Variants in SIGLEC9 observed in about 807,000 individuals in gnomAD.
The protein encoded by SIGLEC9 is sialic acid binding Ig like lectin 9, also known as sialic acid-binding Ig-like lectin 9.
A neutral mutation model predicts 38.3 loss-of-function variants in SIGLEC9; 26 were observed. The observed-to-expected ratio is 0.68, with a 90% CI of 0.50 to 0.94. The LOEUF (loss-of-function observed/expected upper bound fraction) is 0.94. Ranked by LOEUF, SIGLEC9 falls within the 40% of genes least tolerant of loss-of-function variation. The probability of loss-of-function intolerance (pLI) is 0.00; values close to 1 mark genes in which losing one functional copy is unlikely to be tolerated. For missense variants in SIGLEC9, 556 were observed against 585.7 expected (o/e 0.95, Z 0.52); for synonymous variants, 236 against 248.0 (o/e 0.95, Z 0.45).
intron 3 of SIGLEC9, among the ~76,000 whole-genome samples, chr19:51,126,573 A>T (rs1376292321): frequency 6.6e-6 from 1 of 152,122 alleles, no homozygotes; most frequent in African/African-American, 2.4e-5. Flanking sequence ...GGCTGCCCTG[A>T]GTCTCGGTTT....
At position 51,130,047 on chromosome 19, in the gene SIGLEC9, A is replaced by G; in HGVS notation, c.1360A>G (p.Thr454Ala). 1 of 1,613,494 alleles carries G rather than the reference A, an allele frequency of 6.2e-7. No individual in the cohort carries two copies. Among genetic ancestry groups the G allele is most frequent in the Non-Finnish European group, 8.5e-7 (1 of 1,179,704 alleles). Reference protein sequence around the residue: ...WDSRGQEATDTEYSEIKIHR With the variant: ...WDSRGQEATDAEYSEIKIHR ...CTCGCGGGGACAGGAGGCCACTGAC[A>G]CCGAGTACTCGGAGATCAAGATCCA... Residue 454 changes from threonine to alanine, a missense_variant, in exon 7 of 7, where the codon ACC (threonine) becomes GCC (alanine). By Grantham distance (58) the Thr-to-Ala change is moderately conservative. Coordinates refer to ENST00000250360, the MANE Select transcript of SIGLEC9 (RefSeq NM_014441.3).
chr19:51,129,555 G>A (rs927061616), intron 6 of SIGLEC9, among the ~76,000 whole-genome samples: 8 of 151,028 alleles, frequency 5.3e-5, no homozygotes, highest in Admixed American at 3.3e-4. Flanking sequence ...TCGTTTGTTT[G>A]TTTTTGTTTT....
At chr19:51,136,140 T>G (rs1474471566) in exon 7 of SIGLEC9, 1 of 703,836 alleles carries the variant, frequency 1.4e-6, no homozygotes, top group South Asian at 1.5e-5. Flanking sequence ...GGTAAAATAC[T>G]CTGGCTTTTG....
In SIGLEC9 at chr19:51,124,971, A is replaced by G. The variant is rs2091965902; in HGVS notation, c.-4A>G. Reference sequence around the variant, plus strand: ...TCGCGGCCCTGGCACCTCTAACCCCAGACATGCTGCTGCTGCTGCTGCCCC... The same window carrying G: ...TCGCGGCCCTGGCACCTCTAACCCCGGACATGCTGCTGCTGCTGCTGCCCC... On this transcript the variant is annotated 5_prime_UTR_variant, in exon 1 of 7. Coordinates refer to ENST00000250360, the MANE Select transcript of SIGLEC9 (RefSeq NM_014441.3). 1 of 1,599,148 alleles carries G rather than the reference A, an allele frequency of 6.3e-7. No homozygotes were observed. The highest frequency in any genetic ancestry group is 1.7e-5 in the Admixed American group (1 of 59,396).
At position 51,128,447 on chromosome 19, in the gene SIGLEC9, A is replaced by T; in HGVS notation, c.1140A>T (p.Pro380=). ...CCTGCAGGAAGAAATCGGCAAGGCCAGCAGCGGGCGTGGGAGATACGGGCA... is the reference window on the plus strand; with the variant it reads ...CCTGCAGGAAGAAATCGGCAAGGCCTGCAGCGGGCGTGGGAGATACGGGCA... The part of the protein sequence containing the change: ...VRSCRKKSAR[P]AAGVGDTGIE... The change falls in exon 6 of 7, where the codon CCA becomes CCT. Residue 380 remains proline, a synonymous_variant. Coordinates refer to ENST00000250360, the MANE Select transcript of SIGLEC9 (RefSeq NM_014441.3). 23 of 1,614,146 alleles carry T rather than the reference A, an allele frequency of 1.4e-5. No individual in the cohort carries two copies. The highest frequency in any genetic ancestry group is 1.9e-5 in the Non-Finnish European group (23 of 1,180,004).
upstream of SIGLEC9, chr19:51,124,848 G>A: frequency 7.2e-6 from 9 of 1,244,424 alleles, no homozygotes; most frequent in South Asian, 1.5e-5. Flanking sequence ...CTCTGAGGAG[G>A]TCACTGTTCC....
chr19:51,128,393 C>A, intron 5 of SIGLEC9, 21 bp from the exon 6 acceptor site: 1 of 1,612,212 alleles, frequency 6.2e-7, no homozygotes, highest in South Asian at 1.1e-5. Flanking sequence ...CACTGAAAGG[C>A]TCTCTGGTCT....
chr19:51,125,681 C>G lies in SIGLEC9; in HGVS notation c.506C>G (p.Ala169Gly), dbSNP rs1473895342. 6.2e-7 allele frequency: 1 copy of G among 1,613,852 alleles called. No homozygotes were observed. Among genetic ancestry groups the G allele is most frequent in the Non-Finnish European group, 8.5e-7 (1 of 1,179,992 alleles). Residue 169 changes from alanine (A) to glycine (G), a missense_variant, in exon 2 of 7, where the codon GCC (alanine) becomes GGC (glycine). Transcript: ENST00000250360. ...AATCTGACCTGCTCTGTGCCCTGGG[C>G]CTGTGAGCAGGGGACACCCCCTATG... ...PQNLTCSVPW[A>G]CEQGTPPMIS...
In SIGLEC9 at chr19:51,127,187, G is replaced by A. The variant is rs201669917; in HGVS notation, c.906G>A (p.Pro302=). 1.8e-5 allele frequency: 29 copies of A among 1,614,106 alleles called. No homozygotes were observed. The highest frequency in any genetic ancestry group is 7.7e-5 in the South Asian group (7 of 91,094). Residue 302 remains proline, a synonymous_variant, in exon 4 of 7, where the codon CCG becomes CCA. Transcript: ENST00000250360. The part of the protein sequence containing the change: ...LTLCPSQPSN[P]GVLELPWVHL... ...TGTGCCCCTCACAGCCCTCAAACCC[G>A]GGGGTGCTGGAGCTGCCTTGGGTGC...
chr19:51,126,183 G>A (rs1042066796), intron 3 of SIGLEC9, 55 bp downstream of exon 3: 1 of 1,536,560 alleles, frequency 6.5e-7, no homozygotes, highest in Non-Finnish European at 9.0e-7. Context: ...AGGTCAGGAT[G>A]GGGCTGGCTT....
At chr19:51,136,065 T>A in exon 7 of SIGLEC9, 1 of 703,882 alleles carries the variant, frequency 1.4e-6, no homozygotes, top group Non-Finnish European at 2.6e-6. Context: ...GAATTCTATG[T>A]CTATCATTTC....
chr19:51,129,120 C>A (rs2091998089), intron 6 of SIGLEC9, among the ~76,000 whole-genome samples: 2 of 151,462 alleles, frequency 1.3e-5, no homozygotes, highest in Admixed American at 1.3e-4. Flanking sequence ...CTATAGCCTG[C>A]AGCAGTGCAC....
chr19:51,124,615 G>A (rs941862305), upstream of SIGLEC9, among the ~76,000 whole-genome samples: 3 of 152,158 alleles, frequency 2.0e-5, no homozygotes, highest in Non-Finnish European at 4.4e-5. Context: ...TGACTCAGGG[G>A]TCTGGCCAGA....
chr19:51,130,093 C>T lies in SIGLEC9; in HGVS notation c.*14C>T. 6.3e-7 allele frequency: 1 copy of T among 1,595,542 alleles called. No homozygotes were observed. ...ATCCACAGATGAGAAACTGCAGAGA[C>T]TCACCCTGATTGAGGGATCACAGCC... On this transcript the variant is annotated 3_prime_UTR_variant, in exon 7 of 7. Coordinates refer to ENST00000250360, the MANE Select transcript of SIGLEC9 (RefSeq NM_014441.3).
downstream of SIGLEC9, among the ~76,000 whole-genome samples, chr19:51,134,656 T>C (rs2092033589): frequency 2.0e-5 from 3 of 152,240 alleles, no homozygotes; most frequent in Non-Finnish European, 4.4e-5. Context: ...TCTATCAATC[T>C]TATTTGTTCT....
At chr19:51,131,090 G>T (rs1022265863), downstream of SIGLEC9, among the ~76,000 whole-genome samples, 1 of 152,096 alleles carries the variant, frequency 6.6e-6, no homozygotes, top group Non-Finnish European at 1.5e-5. Flanking sequence ...GGATCATCTG[G>T]CAAATTAAAC....
exon 7 of SIGLEC9, chr19:51,136,186 C>T (rs1457389916): frequency 1.4e-6 from 1 of 703,370 alleles, no homozygotes; most frequent in African/African-American, 1.7e-5. Flanking sequence ...TCTTCCTCAT[C>T]TGTGTGGGCT....
chr19:51,134,677 C>A (rs570655803), downstream of SIGLEC9, among the ~76,000 whole-genome samples: 4 of 152,176 alleles, frequency 2.6e-5, no homozygotes, highest in Non-Finnish European at 5.9e-5. Flanking sequence ...TTCAAAGAAC[C>A]AACTTTGGGG....
Position 51,127,189 on chromosome 19 carries a change from G to C in SIGLEC9, c.908G>C (p.Gly303Ala). 2 of 1,614,208 alleles carry C rather than the reference G, an allele frequency of 1.2e-6. No homozygotes were observed. The highest frequency in any genetic ancestry group is 8.5e-7 in the Non-Finnish European group (1 of 1,180,030). The stretch of plus-strand genomic sequence containing the variant: ...TGCCCCTCACAGCCCTCAAACCCGG[G>C]GGTGCTGGAGCTGCCTTGGGTGCAC... ...TLCPSQPSNPGVLELPWVHLR... is the reference protein window; with the variant it reads ...TLCPSQPSNPAVLELPWVHLR... Residue 303 changes from glycine to alanine, a missense_variant, in exon 4 of 7, where the codon GGG becomes GCG. Coordinates refer to ENST00000250360, the MANE Select transcript of SIGLEC9 (RefSeq NM_014441.3).
Sources: allele counts gnomAD v4.1 joint callset (sites outside exome capture counted in the v4.1 genomes callset), GRCh38; gene constraint gnomAD v4.1.1; transcripts MANE v1.5; gene names NCBI Gene and HGNC (gene_info 2026-07-23, HGNC 2026-07-21).